Variants in PACRG observed in about 807,000 individuals in gnomAD.
PACRG encodes the protein parkin coregulated, also known as parkin coregulated gene protein.
A neutral mutation model predicts 29.7 loss-of-function variants in PACRG; 29 were observed. That is an observed-to-expected ratio of 0.98 (90% CI 0.73 to 1.33). The LOEUF is 1.33. Ranked by LOEUF, PACRG falls within the 40% of genes most tolerant of loss-of-function variation. The pLI is 0.00. For synonymous variants in PACRG, 116 were observed against 118.7 expected, an observed-to-expected ratio of 0.98 and a Z score of 0.15; for missense variants, 279 against 316.2, an observed-to-expected ratio of 0.88 and a Z score of 0.89.
chr6:163,137,025 A>G (rs1467255463), intron 4 of PACRG, among the ~76,000 whole-genome samples: 1 of 152,198 alleles, frequency 6.6e-6, no homozygotes, highest in Non-Finnish European at 1.5e-5. Flanking sequence ...CATGTTTGCA[A>G]ATGCATTTTT....
intron 4 of PACRG, among the ~76,000 whole-genome samples, chr6:163,299,365 T>C (rs1784901231): frequency 6.6e-6 from 1 of 152,168 alleles, no homozygotes; most frequent in South Asian, 2.1e-4. Context: ...CTGGGGGTCC[T>C]TCCCACCACC....
At chr6:163,094,904 T>C (rs1337914812) in intron 4 of PACRG, among the ~76,000 whole-genome samples, 1 of 152,188 alleles carries the variant, frequency 6.6e-6, no homozygotes, top group Admixed American at 6.5e-5. Flanking sequence ...CTCGGGAAAT[T>C]ATAGAAAACT....
chr6:163,010,495 T>C (rs920738068), intron 2 of PACRG, among the ~76,000 whole-genome samples: 2 of 152,158 alleles, frequency 1.3e-5, no homozygotes, highest in Admixed American at 6.6e-5. Context: ...CCCTGGCTCC[T>C]TTATAGACGG....
intron 2 of PACRG, among the ~76,000 whole-genome samples, chr6:162,920,375 G>T (rs1363329107): frequency 6.6e-6 from 1 of 152,144 alleles, no homozygotes; most frequent in Non-Finnish European, 1.5e-5. Context: ...CTATTGGGCT[G>T]ATAGCAGCAG....
At chr6:162,973,783 C>T (rs905083182) in intron 2 of PACRG, among the ~76,000 whole-genome samples, 1 of 151,258 alleles carries the variant, frequency 6.6e-6, no homozygotes, top group African/African-American at 2.4e-5. Context: ...TGTGTGTATG[C>T]GTGCGCACGC....
chr6:163,210,933 CATTA>C (rs1781110923), intron 4 of PACRG, among the ~76,000 whole-genome samples: 1 of 152,196 alleles, frequency 6.6e-6, no homozygotes, highest in Admixed American at 6.5e-5. Context: ...TTTAAACACA[CATTA>C]AACAGATCTG....
chr6:163,269,971 G>GAAAA (rs1167500234), intron 4 of PACRG, among the ~76,000 whole-genome samples: 1 of 61,238 alleles, frequency 1.6e-5, no homozygotes, highest in Admixed American at 1.8e-4. Flanking sequence ...AAGAAAGAAA[G>GAAAA]AAAGAAAGAA....
At chr6:162,859,122 A>G (rs570479334) in intron 2 of PACRG, among the ~76,000 whole-genome samples, 3 of 152,080 alleles carry the variant, frequency 2.0e-5, no homozygotes, top group South Asian at 2.1e-4. Flanking sequence ...ATGCCTCTCT[A>G]TCATTTTTTT....
At chr6:163,189,705 T>C (rs1418219707) in intron 4 of PACRG, 2 of 152,244 alleles carry the variant, frequency 1.3e-5, no homozygotes, top group African/African-American at 4.8e-5. Flanking sequence ...CGGGAAGAGA[T>C]ACAAATGAGT....
chr6:162,783,126 T>C (rs1446686468), intron 1 of PACRG, among the ~76,000 whole-genome samples: 1 of 151,938 alleles, frequency 6.6e-6, no homozygotes, highest in Non-Finnish European at 1.5e-5. Context: ...AAATATTGCC[T>C]TAATTTGATA....
chr6:163,197,446 T>TCTTTTC (rs1562959303), intron 4 of PACRG, among the ~76,000 whole-genome samples: 2 of 141,444 alleles, frequency 1.4e-5, no homozygotes, highest in African/African-American at 5.3e-5. Context: ...TTTTTTTTTT[T>TCTTTTC]TTTTTTTTTT....
At chr6:162,875,652 A>G (rs6455851) in intron 2 of PACRG, among the ~76,000 whole-genome samples, 106,133 of 152,210 alleles carry the variant, frequency 0.7, 38,437 homozygotes, top group African/African-American at 0.9. Context: ...TCCTCTAAGT[A>G]ACATACAGTC....
At chr6:162,745,960 A>G (rs1780957057) in intron 1 of PACRG, among the ~76,000 whole-genome samples, 1 of 152,172 alleles carries the variant, frequency 6.6e-6, no homozygotes, top group Non-Finnish European at 1.5e-5. Context: ...ATTATGTTGT[A>G]TAAATAATAA....
At chr6:163,148,054 T>C (rs1777874816) in intron 4 of PACRG, among the ~76,000 whole-genome samples, 1 of 152,378 alleles carries the variant, frequency 6.6e-6, no homozygotes, top group African/African-American at 2.4e-5. Context: ...AAACTCACTC[T>C]GAGGACAAGA....
At chr6:162,749,523 C>CT (rs1781355237) in intron 1 of PACRG, among the ~76,000 whole-genome samples, 2 of 152,006 alleles carry the variant, frequency 1.3e-5, no homozygotes, top group South Asian at 2.1e-4. Flanking sequence ...AAACATATTT[C>CT]TTTTTTTATT....
chr6:163,136,828 A>G (rs1319419009), intron 4 of PACRG, among the ~76,000 whole-genome samples: 2 of 152,240 alleles, frequency 1.3e-5, no homozygotes, highest in Admixed American at 6.5e-5. Context: ...AGAGAATCAT[A>G]TGCGATGAAT....
At chr6:162,947,615 T>TATATATATAATCATAC (rs1554313347) in intron 2 of PACRG, among the ~76,000 whole-genome samples, 3 of 22,530 alleles carry the variant, frequency 1.3e-4, no homozygotes, top group African/African-American at 4.3e-4. Context: ...TATAATCATA[T>TATATATATAATCATAC]ATATATATAT....
chr6:162,921,274 C>G (rs956989780), intron 2 of PACRG, among the ~76,000 whole-genome samples: 1 of 152,038 alleles, frequency 6.6e-6, no homozygotes, highest in South Asian at 2.1e-4. Flanking sequence ...GCTAGAAGAC[C>G]GGGGGGAGCA....
At chr6:163,104,065 G>C (rs1449743792) in intron 4 of PACRG, among the ~76,000 whole-genome samples, 1 of 152,186 alleles carries the variant, frequency 6.6e-6, no homozygotes, top group African/African-American at 2.4e-5. Context: ...AAGTTTCATT[G>C]ATCCGATTTA....
Sources: gnomAD v4.1 joint callset for allele counts (sites outside exome capture counted in the v4.1 genomes callset) on GRCh38, gnomAD v4.1.1 for gene constraint, MANE v1.5 for transcripts, NCBI Gene and HGNC (gene_info 2026-07-23, HGNC 2026-07-21) for gene names.